ANK3: variants seen among roughly 807,000 people sequenced by gnomAD.
ANK3 encodes the protein ankyrin 3.
In ANK3, 57 loss-of-function variants were observed where a neutral mutation model predicts 370.9. The observed-to-expected ratio is 0.15, with a 90% CI of 0.12 to 0.19. ANK3 has a LOEUF of 0.19. Among genes scored for constraint, ANK3 ranks in the 10% least tolerant of loss-of-function variants. The pLI is 1.00. For missense variants in ANK3, 4,439 were observed against 5,302.1 expected (o/e 0.84, Z 5.06); for synonymous variants, 1,929 against 1,946.3 (o/e 0.99, Z 0.23).
intron 1 of ANK3, among the ~76,000 whole-genome samples, chr10:60,348,931 GAC>G (rs1170563210): frequency 1.3e-5 from 2 of 152,156 alleles, no homozygotes; most frequent in Non-Finnish European, 2.9e-5. Flanking sequence ...AACATCAAAA[GAC>G]AGAAGGGATG....
At chr10:60,364,695 A>G (rs1358947131) in intron 1 of ANK3, among the ~76,000 whole-genome samples, 1 of 152,144 alleles carries the variant, frequency 6.6e-6, no homozygotes, top group Non-Finnish European at 1.5e-5. Flanking sequence ...GTATAATTAA[A>G]AAATGGACGT....
At position 60,084,618 on chromosome 10, in the gene ANK3, C is replaced by T. The variant is rs1382187960; in HGVS notation, c.4058G>A (p.Arg1353Lys). The change falls in exon 32 of 44, where the codon AGA (arginine) becomes AAA (lysine). Residue 1353 changes from arginine to lysine, a missense_variant. By Grantham distance (26) the Arg-to-Lys change is conservative (BLOSUM62 2). Coordinates refer to ENST00000280772, the MANE Select transcript of ANK3 (RefSeq NM_020987.5). ...EQQENFEEVA[R>K]SKDIEVLEGK... is the part of the protein sequence containing the mutation. ...ACAAGGTACCTCAATATCTTTGCTT[C>T]TTGCGACTTCCTCAAAATTCTCTTG... 2 of 1,613,698 alleles carry T rather than the reference C, an allele frequency of 1.2e-6. No homozygotes were observed. The highest frequency in any genetic ancestry group is 1.7e-6 in the Non-Finnish European group (2 of 1,179,912).
rs2092461508 is a variant in ANK3, at chr10:60,109,015, G to A, written c.2988C>T (p.Ser996=). The change falls in exon 27 of 44, where the codon TCC becomes TCT. Residue 996 remains serine, a synonymous_variant. Coordinates refer to ENST00000280772, the MANE Select transcript of ANK3 (RefSeq NM_020987.5). ...VSFMVDARGG[S]MRGSRHHGMR... ...TCCCGTGATGACGGCTTCCTCTCAT[G>A]GAGCCCCCTCTCGCGTCCACCATAA... 1.2e-6 allele frequency: 2 copies of A among 1,613,778 alleles called. No homozygotes were observed. The highest frequency in any genetic ancestry group is 2.7e-5 in the African/African-American group (2 of 74,990).
At chr10:60,305,460 G>T (rs17234046) in intron 1 of ANK3, among the ~76,000 whole-genome samples, 3,496 of 150,056 alleles carry the variant, frequency 0.023, 67 homozygotes, top group Middle Eastern at 0.036. Flanking sequence ...ATGCTTACTG[G>T]CAAGATATTA....
intron 2 of ANK3, among the ~76,000 whole-genome samples, chr10:60,395,633 T>G (rs1345233466): frequency 5.4e-5 from 8 of 146,978 alleles, no homozygotes; most frequent in South Asian, 2.2e-4. Flanking sequence ...TCTCTCTCTC[T>G]CTCTCTCTCT....
chr10:60,668,900 G>A (rs1438164751), intron 1 of ANK3, among the ~76,000 whole-genome samples: 4 of 152,134 alleles, frequency 2.6e-5, no homozygotes, highest in Non-Finnish European at 5.9e-5. Flanking sequence ...GGCTGAGGCA[G>A]GAGAATCGCT....
At chr10:60,338,168 A>C (rs994330068) in intron 1 of ANK3, among the ~76,000 whole-genome samples, 6 of 152,214 alleles carry the variant, frequency 3.9e-5, no homozygotes, top group African/African-American at 1.4e-4. Flanking sequence ...TGTGAAACAG[A>C]GTACTGATTG....
intron 18 of ANK3, among the ~76,000 whole-genome samples, chr10:60,177,969 T>C (rs115755585): frequency 0.032 from 4,878 of 152,258 alleles, 258 homozygotes; most frequent in African/African-American, 0.11. Context: ...TTATTCTTCA[T>C]TTGGATTTCA....
At chr10:60,616,045 A>G (rs1417649721) in intron 1 of ANK3, among the ~76,000 whole-genome samples, 1 of 152,180 alleles carries the variant, frequency 6.6e-6, no homozygotes, top group Non-Finnish European at 1.5e-5. Flanking sequence ...ACACTTGTGT[A>G]CATTTCATTC....
At chr10:60,161,962 A>T (rs1030536085) in intron 23 of ANK3, among the ~76,000 whole-genome samples, 2 of 152,206 alleles carry the variant, frequency 1.3e-5, no homozygotes, top group African/African-American at 2.4e-5. Context: ...TAGATATCCC[A>T]ATTACTCTGA....
At chr10:60,633,826 C>T (rs535283050) in intron 1 of ANK3, among the ~76,000 whole-genome samples, 26 of 152,292 alleles carry the variant, frequency 1.7e-4, no homozygotes, top group Middle Eastern at 3.4e-3. Context: ...CTCTCTTTTT[C>T]TTTCATTTTC....
chr10:60,106,860 G>A (rs907546420), intron 27 of ANK3, among the ~76,000 whole-genome samples: 8 of 152,114 alleles, frequency 5.3e-5, no homozygotes, highest in Non-Finnish European at 8.8e-5. Context: ...GAAGTAAGCA[G>A]ACCACAATCA....
chr10:60,120,336 C>T (rs1411214872), intron 25 of ANK3, among the ~76,000 whole-genome samples: 1 of 151,946 alleles, frequency 6.6e-6, no homozygotes, highest in Non-Finnish European at 1.5e-5. Context: ...AGACTTAAAT[C>T]TAAGACCTCA....
At chr10:60,377,180 G>C (rs1388215016) in intron 1 of ANK3, among the ~76,000 whole-genome samples, 2 of 152,232 alleles carry the variant, frequency 1.3e-5, no homozygotes, top group African/African-American at 4.8e-5. Flanking sequence ...CCTTGCAGAA[G>C]AGGGGAGGGA....
At position 60,069,722 on chromosome 10, in the gene ANK3, G is replaced by A. The variant is rs201547988; in HGVS notation, c.11159C>T (p.Thr3720Met). ...TGCAGAAATTCCCATTTTTATAGGC[G>A]TGCGCAACTTGGGGTCAACTTTAGA... ...NTSKVDPKLRTPIKMGISAST... is the reference protein window; with the variant it reads ...NTSKVDPKLRMPIKMGISAST... The change falls in exon 37 of 44, where the codon ACG becomes ATG. Residue 3720 changes from threonine (T) to methionine (M), a missense_variant. Thr to Met is a moderately conservative substitution (Grantham distance 81). This residue lies in a region of ANK3 where 496 missense variants were observed against 529.3 expected (regional missense o/e 0.94). Transcript: ENST00000280772. 324 of 1,613,598 alleles carry A rather than the reference G, an allele frequency of 2.0e-4. 3 individuals are homozygous for A. The highest frequency in any genetic ancestry group is 1.1e-3 in the South Asian group (98 of 90,972).
chr10:60,170,990 T>C (rs1288518763), intron 21 of ANK3, among the ~76,000 whole-genome samples: 5 of 152,192 alleles, frequency 3.3e-5, no homozygotes, highest in Non-Finnish European at 5.9e-5. Flanking sequence ...CTTTATAGCA[T>C]TGTGACACTT....
chr10:60,441,729 T>C (rs1214538043), intron 2 of ANK3, among the ~76,000 whole-genome samples: 1 of 152,210 alleles, frequency 6.6e-6, no homozygotes, highest in Non-Finnish European at 1.5e-5. Context: ...CTAGTGTTCA[T>C]ACAAGTACAT....
rs1595101809 is a variant in ANK3 at position 60,472,974 on chromosome 10, C to T, written c.96+142212G>A. 2.0e-5 allele frequency among the ~76,000 whole-genome samples: 3 copies of T among 152,240 alleles called. No individual in the cohort carries two copies. The South Asian group carries it at 6.2e-4, about 32-fold the overall frequency. On this transcript the variant is annotated intron_variant, in intron 2 of 43. Coordinates refer to the ANK3 transcript ENST00000373827. The stretch of plus-strand genomic sequence containing the variant: ...AACAAGGGCAGCAACCTACAGTTCC[C>T]CCGTCCTTCCCCACAGGCAGCTCTA...
chr10:60,105,244 G>A (rs1316910150), intron 28 of ANK3, among the ~76,000 whole-genome samples: 2 of 151,476 alleles, frequency 1.3e-5, no homozygotes, highest in South Asian at 2.1e-4. Flanking sequence ...AAAACTCTGC[G>A]TCAAACACCT....
Sources: gnomAD v4.1 joint callset for allele counts (sites outside exome capture counted in the v4.1 genomes callset) on GRCh38, gnomAD v4.1.1 for gene constraint, gnomAD v4.1.1 regional missense constraint, MANE v1.5 for transcripts, NCBI Gene and HGNC (gene_info 2026-07-23, HGNC 2026-07-21) for gene names.